Variants in RGP1 observed in about 807,000 individuals in gnomAD.
RGP1 encodes RAB6A-GEF complex partner protein 2.
RGP1 carries 28 observed loss-of-function variants against 44.5 expected under a neutral mutation model. That is an observed-to-expected ratio of 0.63 (90% confidence interval 0.47 to 0.86). The LOEUF is 0.86. Among genes scored for constraint, RGP1 ranks in the 40% least tolerant of loss-of-function variants. The pLI, the probability that RGP1 is intolerant of heterozygous loss-of-function variation, is 0.00. For synonymous variants in RGP1, 212 were observed against 196.7 expected, an observed-to-expected ratio of 1.08 and a Z score of -0.65; for missense variants, 417 against 490.7, an observed-to-expected ratio of 0.85 and a Z score of 1.42.
chr9:35,780,337 T>G, the RGP1 span: 1 of 152,210 alleles, frequency 6.6e-6, no homozygotes, highest in South Asian at 2.1e-4. Flanking sequence ...CATATCGGAC[T>G]GAGTCTTTAA....
At position 35,749,759 on chromosome 9, in the gene RGP1, A is replaced by T. The variant is rs749297396; in HGVS notation, c.4A>T (p.Ile2Phe). M[I>F]EVVAELSRGP... ...TAGATCTGATTCCGGAGCTGCCATGATTGAAGTGGTAGCAGAGCTCAGCCG... is the reference window on the plus strand; with the variant it reads ...TAGATCTGATTCCGGAGCTGCCATGTTTGAAGTGGTAGCAGAGCTCAGCCG... Residue 2 changes from isoleucine to phenylalanine, a missense_variant, in exon 2 of 9, where the codon ATT (isoleucine) becomes TTT (phenylalanine). Transcript: ENST00000378078. This position sits in a 1 kb window ranked among gnomAD's most constrained non-coding sequence, Gnocchi z 4.4. 4 of 1,610,368 alleles carry T rather than the reference A, an allele frequency of 2.5e-6. No individual in the cohort carries two copies. The African/African-American group carries it at 5.4e-5, about 22-fold the overall frequency.
Position 35,750,363 on chromosome 9 carries a change from C to T in RGP1, c.237C>T (p.Val79=). 6.2e-7 allele frequency: 1 copy of T among 1,613,954 alleles called. No individual in the cohort carries two copies. The highest frequency in any genetic ancestry group is 8.5e-7 in the Non-Finnish European group (1 of 1,179,864). The stretch of plus-strand genomic sequence containing the variant: ...ATGTCCAGCCCGACAGCCAGACTGT[C>T]TTTCTGCCACACCGAGGTTAGAGAG... The part of the protein sequence containing the change: ...QPDVQPDSQT[V]FLPHRGERGQ... Residue 79 remains valine, a synonymous_variant, in exon 3 of 9, where the codon GTC becomes GTT. Coordinates refer to ENST00000378078, the MANE Select transcript of RGP1 (RefSeq NM_001080496.3).
At chr9:35,768,435 G>A in the RGP1 span, among the ~76,000 whole-genome samples, 11 of 152,146 alleles carry the variant, frequency 7.2e-5, no homozygotes, top group African/African-American at 2.4e-4. Context: ...CAAGATGTGG[G>A]GCATTCCCTA....
Position 35,751,228 on chromosome 9 carries a change from C to T in RGP1, c.488-38C>T, listed in dbSNP as rs947127220. The T allele has an allele frequency of 3.1e-6, 5 of 1,609,510 alleles. No individual in the cohort carries two copies. In the African/African-American group the frequency reaches 4.0e-5, roughly 13 times the overall value. On this transcript the variant is annotated intron_variant, in intron 5 of 8. Transcript: ENST00000378078. Reference sequence around the variant, plus strand: ...CCTAACCTCTACTCTCATCTCCGTTCCCTCTCAGCATTACCTCTCCACTCA... The same window carrying T: ...CCTAACCTCTACTCTCATCTCCGTTTCCTCTCAGCATTACCTCTCCACTCA...
At chr9:35,772,646 C>T in the RGP1 span, among the ~76,000 whole-genome samples, 3 of 152,006 alleles carry the variant, frequency 2.0e-5, no homozygotes, top group Non-Finnish European at 4.4e-5. Context: ...AAAAAATTAG[C>T]CGGGCGTGGT....
At chr9:35,761,249 G>C (rs1288038916), downstream of RGP1, among the ~76,000 whole-genome samples, 1 of 152,212 alleles carries the variant, frequency 6.6e-6, no homozygotes, top group Non-Finnish European at 1.5e-5. Context: ...ATTTATGCCT[G>C]CTTCACTGGA....
the RGP1 span, among the ~76,000 whole-genome samples, chr9:35,771,628 G>T: frequency 6.6e-6 from 1 of 152,186 alleles, no homozygotes; most frequent in Non-Finnish European, 1.5e-5. Flanking sequence ...AGCTTAAGGG[G>T]AGAAATCTGA....
chr9:35,756,880 C>G lies in RGP1; in HGVS notation c.*4006C>G, dbSNP rs1391479772. 2 of 152,658 alleles carry G rather than the reference C, an allele frequency of 1.3e-5. No homozygotes were observed. The highest frequency in any genetic ancestry group is 4.8e-5 in the African/African-American group (2 of 41,452). 9.5% of individuals were successfully genotyped at this position (152,658 alleles called of 1,614,324 possible). On this transcript the variant is annotated 3_prime_UTR_variant, in exon 9 of 9. Coordinates refer to ENST00000378078, the MANE Select transcript of RGP1 (RefSeq NM_001080496.3). ...AGATGAGGTAGGCATATAGGGGCTT[C>G]TGGAAAGCTAGAGGCTGGGCTGAGC...
At chr9:35,786,344 A>G in the RGP1 span, among the ~76,000 whole-genome samples, 2 of 152,206 alleles carry the variant, frequency 1.3e-5, no homozygotes, top group Non-Finnish European at 2.9e-5. Flanking sequence ...TTCAGGGAAT[A>G]TTATATTTGA....
chr9:35,789,900 G>A, the RGP1 span, among the ~76,000 whole-genome samples: 7 of 152,146 alleles, frequency 4.6e-5, no homozygotes, highest in South Asian at 2.1e-4. Context: ...AGGACACTGC[G>A]ACCTTCCTCT....
chr9:35,784,133 GA>G, the RGP1 span, among the ~76,000 whole-genome samples: 1 of 151,998 alleles, frequency 6.6e-6, no homozygotes, highest in Non-Finnish European at 1.5e-5. Context: ...TATTATTTGG[GA>G]TTTTTTTTTG....
rs917553751 is a variant in RGP1, at chr9:35,754,262, T to G, written c.*1388T>G. On this transcript the variant is annotated 3_prime_UTR_variant, in exon 9 of 9. Transcript: ENST00000378078. ...TCTCCCCTGGGCTCCTGTCTCACACTATCTCCCTGCCCTCTGCTCTCACAG... is the reference window on the plus strand; with the variant it reads ...TCTCCCCTGGGCTCCTGTCTCACACGATCTCCCTGCCCTCTGCTCTCACAG... 7 of 1,142,970 alleles carry G rather than the reference T, an allele frequency of 6.1e-6. No individual in the cohort carries two copies. The highest frequency in any genetic ancestry group is 8.5e-6 in the Non-Finnish European group (7 of 821,840). The allele number at this position is 1,142,970 out of a possible 1,614,324, so 70.8% of individuals were successfully genotyped here.
chr9:35,764,935 G>A, the RGP1 span, among the ~76,000 whole-genome samples: 1 of 152,056 alleles, frequency 6.6e-6, no homozygotes, highest in African/African-American at 2.4e-5. Context: ...AGGCCAGCCT[G>A]GCCAACATGG....
intron 2 of RGP1, 25 bp from the exon 3 acceptor site, chr9:35,750,218 A>G (rs747420241): frequency 1.2e-6 from 2 of 1,608,712 alleles, no homozygotes. Flanking sequence ...ACTACCTCTG[A>G]TGCCTCCTTT....
At chr9:35,786,349 A>G in the RGP1 span, among the ~76,000 whole-genome samples, 2 of 152,232 alleles carry the variant, frequency 1.3e-5, no homozygotes, top group Non-Finnish European at 2.9e-5. Flanking sequence ...GGAATATTAT[A>G]TTTGAGACTT....
Position 35,749,385 on chromosome 9 carries a change from G to C in RGP1, c.-43G>C. 1.8e-6 allele frequency: 1 copy of C among 548,232 alleles called. No homozygotes were observed. The highest frequency in any genetic ancestry group is 3.7e-6 in the Non-Finnish European group (1 of 269,132). 34.0% of individuals were successfully genotyped at this position (548,232 alleles called of 1,614,324 possible). ...CGGGCAGATGAGGCCTAGGGGTGCC[G>C]ATCCCTAGTGTCGACTATGCGAGGT... On this transcript the variant is annotated 5_prime_UTR_variant, in exon 1 of 9. Transcript: ENST00000378078. The surrounding 1 kb of genome is among the most constrained non-coding windows in gnomAD (Gnocchi z 4.4).
chr9:35,753,080 A>G lies in RGP1; in HGVS notation c.*206A>G, dbSNP rs1440851571. The G allele has an allele frequency of 2.2e-5, 35 of 1,610,830 alleles. No individual in the cohort carries two copies. The highest frequency in any genetic ancestry group is 3.0e-5 in the Non-Finnish European group (35 of 1,177,542). On this transcript the variant is annotated 3_prime_UTR_variant, in exon 9 of 9. Transcript: ENST00000378078. The surrounding 1 kb of genome is among the most constrained non-coding windows in gnomAD (Gnocchi z 4.2). ...GTGGCAGCAGCAGTGAGCAGTCAGC[A>G]GATGGATGATCAGTTGAGTTTAGCT...
chr9:35,749,660 C>T lies in RGP1; in HGVS notation c.-19-77C>T. 1 of 849,494 alleles carries T rather than the reference C, an allele frequency of 1.2e-6. No individual in the cohort carries two copies. Among genetic ancestry groups the T allele is most frequent in the South Asian group, 1.4e-5 (1 of 70,280 alleles). 52.6% of individuals were successfully genotyped at this position (849,494 alleles called of 1,614,324 possible). ...CGGTGCTGACCACCCCTGTCCTCAG[C>T]CCTCAGCCCTAGGTGCTCACCGCAA... On this transcript the variant is annotated intron_variant, in intron 1 of 8. Transcript: ENST00000378078. This position sits in a 1 kb window ranked among gnomAD's most constrained non-coding sequence, Gnocchi z 4.4.
the RGP1 span, among the ~76,000 whole-genome samples, chr9:35,781,689 A>T: frequency 6.6e-6 from 1 of 152,132 alleles, no homozygotes; most frequent in Non-Finnish European, 1.5e-5. Context: ...TGAGTTCTGC[A>T]CAGTCTTCAA....
Sources: allele counts gnomAD v4.1 joint callset (sites outside exome capture counted in the v4.1 genomes callset), GRCh38; gene constraint gnomAD v4.1.1; non-coding constraint Gnocchi (gnomAD v3.1); transcripts MANE v1.5; gene names NCBI Gene and HGNC (gene_info 2026-07-23, HGNC 2026-07-21).